The following SBF2 variants were observed in gnomAD, a reference collection of about 807,000 sequenced individuals.
SBF2 encodes the protein myotubularin-related protein 13.
In SBF2, 112 loss-of-function variants were observed where a neutral mutation model predicts 225.2. The ratio of observed to expected loss-of-function variants is 0.50; its 90% CI spans 0.43 to 0.58. The LOEUF is 0.58. SBF2 is among the 20% of genes least tolerant of loss of function. The probability of loss-of-function intolerance (pLI) is 0.00; values close to 1 mark genes in which losing one functional copy is unlikely to be tolerated. For synonymous variants in SBF2, 763 were observed against 773.3 expected (o/e 0.99, Z 0.22); for missense variants, 1,996 against 2,206.2 (o/e 0.90, Z 1.91).
chr11:10,168,308 T>A (rs1293071720), intron 2 of SBF2, among the ~76,000 whole-genome samples: 1 of 152,194 alleles, frequency 6.6e-6, no homozygotes, highest in African/African-American at 2.4e-5. Flanking sequence ...GGCTATAAAT[T>A]TTAAAGTAAT....
chr11:10,257,272 C>T (rs886562726), intron 1 of SBF2, among the ~76,000 whole-genome samples: 1 of 152,130 alleles, frequency 6.6e-6, no homozygotes, highest in African/African-American at 2.4e-5. Context: ...ACCTCTTTCC[C>T]CACAAAAAAA....
chr11:10,025,438 A>C (rs1166484991), intron 6 of SBF2, among the ~76,000 whole-genome samples: 1 of 152,094 alleles, frequency 6.6e-6, no homozygotes, highest in Non-Finnish European at 1.5e-5. Flanking sequence ...CTTCCCCATA[A>C]GATATCGATA....
At chr11:10,162,974 C>A (rs1011976368) in intron 2 of SBF2, among the ~76,000 whole-genome samples, 3 of 150,272 alleles carry the variant, frequency 2.0e-5, no homozygotes, top group Non-Finnish European at 4.4e-5. Context: ...TCTAAGCATG[C>A]AAATTGCTTC....
chr11:9,852,847 T>A, intron 20 of SBF2, 98 bp from the exon 21 acceptor site: 1 of 949,222 alleles, frequency 1.1e-6, no homozygotes, highest in Non-Finnish European at 1.7e-6. Flanking sequence ...TACAGTTTAC[T>A]GGTTCCTCAA....
upstream of SBF2, among the ~76,000 whole-genome samples, chr11:10,298,858 T>G (rs1264801552): frequency 6.6e-6 from 1 of 152,218 alleles, no homozygotes; most frequent in Non-Finnish European, 1.5e-5. Flanking sequence ...TCTACCTTTA[T>G]TATTGCAATA....
At chr11:10,150,191 AC>A (rs1327191475) in intron 2 of SBF2, among the ~76,000 whole-genome samples, 2 of 152,172 alleles carry the variant, frequency 1.3e-5, no homozygotes, top group Non-Finnish European at 2.9e-5. Context: ...TTCTCAGCCC[AC>A]AGATGGAGAA....
At chr11:9,861,793 C>T (rs1009165551) in intron 17 of SBF2, among the ~76,000 whole-genome samples, 1 of 152,150 alleles carries the variant, frequency 6.6e-6, no homozygotes, top group African/African-American at 2.4e-5. Flanking sequence ...GATTAGGCCA[C>T]CAAGTGTGGC....
chr11:9,970,378 TG>T (rs1179725986), intron 13 of SBF2, among the ~76,000 whole-genome samples: 4 of 152,084 alleles, frequency 2.6e-5, no homozygotes, highest in Admixed American at 6.5e-5. Flanking sequence ...GCTAATTTTT[TG>T]TATTTTTAGT....
In SBF2 at chr11:10,028,498, A is replaced by G; in HGVS notation, c.573T>C (p.Ser191=). ...CCACACTAGTGCCCGTGATAGGAAG[A>G]CTATCATGTAAAGGAGTCTGGATCA... The part of the protein sequence containing the change: ...RQLIQTPLHD[S]LPITGTSVAL... Residue 191 remains serine (S), a synonymous_variant, in exon 6 of 40, where the codon AGT becomes AGC. Transcript: ENST00000256190. 1.9e-6 allele frequency: 3 copies of G among 1,613,724 alleles called. No homozygotes were observed. Among genetic ancestry groups the G allele is most frequent in the Non-Finnish European group, 2.5e-6 (3 of 1,179,632 alleles).
At chr11:10,133,667 G>T in intron 2 of SBF2, among the ~76,000 whole-genome samples, 1 of 150,628 alleles carries the variant, frequency 6.6e-6, no homozygotes, top group East Asian at 2.0e-4. Context: ...ACACAGCCCC[G>T]GTTCCCGCTC....
chr11:9,967,709 A>G (rs1867018003), intron 14 of SBF2, among the ~76,000 whole-genome samples: 1 of 152,114 alleles, frequency 6.6e-6, no homozygotes, highest in African/African-American at 2.4e-5. Flanking sequence ...TGAGGTCGGG[A>G]GTTCGAGACC....
chr11:10,223,899 C>T (rs1301179004), intron 1 of SBF2, among the ~76,000 whole-genome samples: 1 of 152,042 alleles, frequency 6.6e-6, no homozygotes, highest in African/African-American at 2.4e-5. Context: ...CAACAGGAGG[C>T]AGCTACAAAA....
chr11:9,994,907 C>T (rs1947624231), intron 9 of SBF2, among the ~76,000 whole-genome samples: 1 of 151,744 alleles, frequency 6.6e-6, no homozygotes, highest in Non-Finnish European at 1.5e-5. Context: ...CATGGTGGCA[C>T]ATGCCTGTAG....
At chr11:9,969,212 C>G (rs1273925257) in intron 13 of SBF2, among the ~76,000 whole-genome samples, 1 of 152,192 alleles carries the variant, frequency 6.6e-6, no homozygotes, top group Non-Finnish European at 1.5e-5. Context: ...CTCTGCAGAT[C>G]TTGTGGACTT....
intron 2 of SBF2, among the ~76,000 whole-genome samples, chr11:10,166,765 C>G (rs767822055): frequency 5.9e-5 from 9 of 152,060 alleles, no homozygotes; most frequent in Non-Finnish European, 8.8e-5. Flanking sequence ...CAGTTCAAGA[C>G]CAGCTTGGCC....
intron 3 of SBF2, among the ~76,000 whole-genome samples, chr11:10,035,632 G>A (rs529265677): frequency 6.6e-6 from 1 of 152,238 alleles, no homozygotes; most frequent in African/African-American, 2.4e-5. Context: ...CTCAAAAGAA[G>A]ACATTTATGC....
intron 1 of SBF2, among the ~76,000 whole-genome samples, chr11:10,240,274 A>G (rs78894416): frequency 6.6e-6 from 1 of 151,366 alleles, no homozygotes; most frequent in East Asian, 2.0e-4. Flanking sequence ...AAAAAAAAAA[A>G]ACAGGATAAC....
chr11:9,928,305 A>G (rs1864213489), intron 16 of SBF2, among the ~76,000 whole-genome samples: 1 of 152,232 alleles, frequency 6.6e-6, no homozygotes, highest in Admixed American at 6.5e-5. Flanking sequence ...ATTTGAACAT[A>G]CATCAACAAA....
At chr11:10,062,270 C>A (rs1436827852) in intron 2 of SBF2, among the ~76,000 whole-genome samples, 2 of 152,064 alleles carry the variant, frequency 1.3e-5, no homozygotes, top group Admixed American at 1.3e-4. Flanking sequence ...CCTCATGGAT[C>A]TAGGAATAGG....
Sources: allele counts gnomAD v4.1 joint callset (sites outside exome capture counted in the v4.1 genomes callset), GRCh38; gene constraint gnomAD v4.1.1; transcripts MANE v1.5; gene names NCBI Gene and HGNC (gene_info 2026-07-23, HGNC 2026-07-21).